The following UBTD1 variants were observed in gnomAD, a reference collection of about 807,000 sequenced individuals.
UBTD1 encodes ubiquitin domain containing 1.
UBTD1 carries 19 observed loss-of-function variants against 21.7 expected under a neutral mutation model. That is an observed-to-expected ratio of 0.87 (90% confidence interval 0.61 to 1.28). The LOEUF is 1.28. Among genes scored for constraint, UBTD1 ranks in the 50% most tolerant of loss-of-function variants. The probability of loss-of-function intolerance (pLI) is 0.00; values close to 1 mark genes in which losing one functional copy is unlikely to be tolerated. For missense variants in UBTD1, 282 were observed against 315.1 expected, an observed-to-expected ratio of 0.89 and a Z score of 0.80; for synonymous variants, 116 against 135.1, an observed-to-expected ratio of 0.86 and a Z score of 0.98.
At chr10:97,568,248 T>C (rs543289058) in intron 2 of UBTD1, 107 bp downstream of exon 2, 150 of 1,161,040 alleles carry the variant, frequency 1.3e-4, no homozygotes, top group Non-Finnish European at 1.7e-4. Context: ...GTTACTCACG[T>C]ATTCATTCAT....
At chr10:97,537,301 G>A (rs185120444) in intron 1 of UBTD1, among the ~76,000 whole-genome samples, 1 of 152,276 alleles carries the variant, frequency 6.6e-6, no homozygotes, top group East Asian at 1.9e-4. Flanking sequence ...CCCACCTCCA[G>A]CTGTCATTTG....
At chr10:97,555,593 C>A (rs1362469261) in intron 1 of UBTD1, among the ~76,000 whole-genome samples, 1 of 152,160 alleles carries the variant, frequency 6.6e-6, no homozygotes, top group Non-Finnish European at 1.5e-5. Flanking sequence ...ATTTCTATCC[C>A]TTTTAAGGGC....
intron 1 of UBTD1, among the ~76,000 whole-genome samples, chr10:97,559,265 C>T (rs1055494302): frequency 1.3e-5 from 2 of 152,230 alleles, no homozygotes; most frequent in African/African-American, 2.4e-5. Flanking sequence ...ATGCAGCCCA[C>T]GCCTGGTCGA....
chr10:97,521,445 G>A (rs927183832), intron 1 of UBTD1, among the ~76,000 whole-genome samples: 1 of 152,220 alleles, frequency 6.6e-6, no homozygotes, highest in African/African-American at 2.4e-5. Flanking sequence ...GCCTCTGAGA[G>A]CCCAGCCTCC....
chr10:97,549,448 A>G (rs2135680025), intron 1 of UBTD1, among the ~76,000 whole-genome samples: 1 of 152,308 alleles, frequency 6.6e-6, no homozygotes, highest in Middle Eastern at 3.4e-3. Context: ...CCCGTGCAGC[A>G]TGCCAGGCAT....
intron 1 of UBTD1, among the ~76,000 whole-genome samples, chr10:97,564,222 A>T (rs2040707156): frequency 6.6e-6 from 1 of 152,160 alleles, no homozygotes; most frequent in Admixed American, 6.5e-5. Context: ...AGCCTGCTGG[A>T]GGACTGGAAG....
intron 1 of UBTD1, among the ~76,000 whole-genome samples, chr10:97,526,250 A>G (rs999782227): frequency 5.3e-5 from 8 of 152,198 alleles, no homozygotes; most frequent in African/African-American, 1.7e-4. Context: ...CTGGAAAGCA[A>G]TTTGGCAAAA....
chr10:97,513,794 C>G (rs948802911), intron 1 of UBTD1, among the ~76,000 whole-genome samples: 2 of 151,970 alleles, frequency 1.3e-5, no homozygotes, highest in Non-Finnish European at 2.9e-5. Context: ...TTCACTGCAG[C>G]CTTGAACTCC....
chr10:97,556,793 G>A (rs558935884), intron 1 of UBTD1, among the ~76,000 whole-genome samples: 69 of 152,276 alleles, frequency 4.5e-4, no homozygotes, highest in Non-Finnish European at 7.6e-4. Flanking sequence ...AACCTGGCGG[G>A]GGCCGTCCAG....
At chr10:97,543,844 T>G (rs1241335639) in intron 1 of UBTD1, among the ~76,000 whole-genome samples, 1 of 152,200 alleles carries the variant, frequency 6.6e-6, no homozygotes, top group Non-Finnish European at 1.5e-5. Flanking sequence ...CGAACAGTTG[T>G]GGGCAGATTT....
chr10:97,545,998 T>A (rs2040609219), intron 1 of UBTD1, among the ~76,000 whole-genome samples: 1 of 152,142 alleles, frequency 6.6e-6, no homozygotes, highest in Admixed American at 6.5e-5. Flanking sequence ...TTTGCCAGGC[T>A]GGTCTCAAAC....
rs532938093 is a variant in UBTD1, at chr10:97,543,701, G to A, written c.71-24213G>A. Among the ~76,000 whole-genome samples, 7 of 152,326 alleles carry A rather than the reference G, an allele frequency of 4.6e-5. No homozygotes were observed. In the South Asian group the frequency reaches 1.5e-3, roughly 32 times the overall value. ...ACTGAAGACACAGACCTGAAAGACA[G>A]AAAGACAGTAACCTAGAGCCTGTTG... On this transcript the variant is annotated intron_variant, in intron 1 of 2. Transcript: ENST00000370664.
chr10:97,544,783 G>A (rs1166407228), intron 1 of UBTD1, among the ~76,000 whole-genome samples: 1 of 152,146 alleles, frequency 6.6e-6, no homozygotes, highest in Non-Finnish European at 1.5e-5. Flanking sequence ...TTGCACCTAG[G>A]AGTTTGAAGC....
intron 1 of UBTD1, among the ~76,000 whole-genome samples, chr10:97,501,819 T>G (rs2135651190): frequency 6.6e-6 from 1 of 152,284 alleles, no homozygotes; most frequent in Middle Eastern, 3.4e-3. Flanking sequence ...TGCCGTGCCT[T>G]GTTTGAAGCA....
chr10:97,516,603 G>A (rs1484497928), intron 1 of UBTD1, among the ~76,000 whole-genome samples: 1 of 152,008 alleles, frequency 6.6e-6, no homozygotes, highest in Non-Finnish European at 1.5e-5. Context: ...GTGAAACCCC[G>A]TCTCTACTAA....
At position 97,511,465 on chromosome 10, in the gene UBTD1, G is replaced by A. The variant is rs115601392; in HGVS notation, c.70+12192G>A. On this transcript the variant is annotated intron_variant, in intron 1 of 2. Coordinates refer to ENST00000370664, the MANE Select transcript of UBTD1 (RefSeq NM_024954.5). ...AAACAGGTATCTCTGGTTTACTGAT[G>A]TCACTGCCACTCATGACTAGCAAAT... is the stretch of plus-strand genomic sequence containing the variant. Among the ~76,000 whole-genome samples, 715 of 152,268 alleles carry A rather than the reference G, an allele frequency of 4.7e-3. 9 individuals carry two copies. Among genetic ancestry groups the A allele is most frequent in the African/African-American group, 0.016 (680 of 41,540 alleles).
chr10:97,568,721 A>T (rs1211413752), intron 2 of UBTD1, among the ~76,000 whole-genome samples: 1 of 152,136 alleles, frequency 6.6e-6, no homozygotes, highest in Admixed American at 6.6e-5. Context: ...TGTGCTGGAC[A>T]CCGAACTAGA....
intron 1 of UBTD1, among the ~76,000 whole-genome samples, chr10:97,528,101 A>C: frequency 1.7e-5 from 2 of 121,028 alleles, no homozygotes; most frequent in Admixed American, 8.0e-5. Flanking sequence ...TCCCTCCCGG[A>C]CGGGGAGGCT....
intron 1 of UBTD1, among the ~76,000 whole-genome samples, chr10:97,517,491 C>G (rs1448113990): frequency 6.6e-6 from 1 of 152,208 alleles, no homozygotes; most frequent in Non-Finnish European, 1.5e-5. Context: ...GGGACAGTCT[C>G]TGCCCAGTCC....
Sources: gnomAD v4.1 joint callset for allele counts (sites outside exome capture counted in the v4.1 genomes callset) on GRCh38, gnomAD v4.1.1 for gene constraint, MANE v1.5 for transcripts, NCBI Gene and HGNC (gene_info 2026-07-23, HGNC 2026-07-21) for gene names.